Variants in ACKR3 observed in about 807,000 individuals in gnomAD.
ACKR3 encodes the protein atypical chemokine receptor 3.
A neutral mutation model predicts 22.4 loss-of-function variants in ACKR3; 6 were observed. The observed-to-expected ratio is 0.27, with a 90% confidence interval of 0.15 to 0.53. The LOEUF (loss-of-function observed/expected upper bound fraction) is 0.53, where lower values mean the gene tolerates loss of function less well. ACKR3 is among the 20% of genes least tolerant of loss of function. The probability of loss-of-function intolerance (pLI) is 0.96; values close to 1 mark genes in which losing one functional copy is unlikely to be tolerated. For synonymous variants in ACKR3, 209 were observed against 205.2 expected, an observed-to-expected ratio of 1.02 and a Z score of -0.16; for missense variants, 396 against 475.2, an observed-to-expected ratio of 0.83 and a Z score of 1.55.
intron 1 of ACKR3, among the ~76,000 whole-genome samples, chr2:236,572,254 T>C (rs1282409763): frequency 2.0e-5 from 3 of 152,112 alleles, no homozygotes; most frequent in African/African-American, 4.8e-5. Flanking sequence ...AATATTAAAG[T>C]GATCAGGGAA....
intron 1 of ACKR3, among the ~76,000 whole-genome samples, chr2:236,576,244 AACTTCCCAGCGTAAACAGACCCCGCAC>A (rs1691409738): frequency 6.6e-6 from 1 of 152,232 alleles, no homozygotes; most frequent in Admixed American, 6.5e-5. Flanking sequence ...CGGCCTTCCC[AACTTCCCAGCGTAAACAGACCCCGCAC>A]AGGCTGAGAG....
chr2:236,546,440 ATAAATT>A, the ACKR3 span, among the ~76,000 whole-genome samples: 2 of 152,216 alleles, frequency 1.3e-5, no homozygotes, highest in Admixed American at 6.5e-5. This position sits in a 1 kb window ranked among gnomAD's most constrained non-coding sequence, Gnocchi z 4.9. Flanking sequence ...CTTTTCCACT[ATAAATT>A]TAATAAAATT....
At chr2:236,563,532 C>G (rs567652625), upstream of ACKR3, among the ~76,000 whole-genome samples, 392 of 152,220 alleles carry the variant, frequency 2.6e-3, 2 homozygotes, top group African/African-American at 9.1e-3. Context: ...ATATTTAAGC[C>G]TGCATCAAAA....
chr2:236,566,372 G>A (rs1010887959), upstream of ACKR3, among the ~76,000 whole-genome samples: 2 of 152,206 alleles, frequency 1.3e-5, no homozygotes, highest in East Asian at 3.8e-4. Flanking sequence ...CGTCCTGTTC[G>A]TGCCTTCTCT....
At chr2:236,575,152 G>A (rs1205912919) in intron 1 of ACKR3, among the ~76,000 whole-genome samples, 1 of 151,904 alleles carries the variant, frequency 6.6e-6, no homozygotes, top group Non-Finnish European at 1.5e-5. Flanking sequence ...ATTGTTCTGT[G>A]GACCATTCCT....
the ACKR3 span, among the ~76,000 whole-genome samples, chr2:236,552,064 G>T: frequency 6.6e-6 from 1 of 152,164 alleles, no homozygotes; most frequent in East Asian, 1.9e-4. Flanking sequence ...TACCCCCGTA[G>T]AACTTTCTGC....
chr2:236,572,884 C>G (rs1446915824), intron 1 of ACKR3, among the ~76,000 whole-genome samples: 2 of 152,240 alleles, frequency 1.3e-5, no homozygotes, highest in African/African-American at 2.4e-5. Flanking sequence ...AAGAGGTGGA[C>G]TGTATCTGAA....
In ACKR3 at chr2:236,581,177, G is replaced by T; in HGVS notation, c.712G>T (p.Ala238Ser). 6.2e-7 allele frequency: 1 copy of T among 1,613,810 alleles called. No individual in the cohort carries two copies. Among genetic ancestry groups the T allele is most frequent in the Non-Finnish European group, 8.5e-7 (1 of 1,179,694 alleles). The change falls in exon 2 of 2, where the codon GCC (alanine) becomes TCC (serine). Residue 238 changes from alanine (A) to serine (S), a missense_variant. Ala to Ser is a moderately conservative substitution (Grantham distance 99). Transcript: ENST00000272928. This position sits in a 1 kb window ranked among gnomAD's most constrained non-coding sequence, Gnocchi z 4.4. ...IAVFYFLLAR[A>S]ISASSDQEKH... is the part of the protein sequence containing the mutation. ...TGTCTTCTACTTCCTGCTGGCCAGA[G>T]CCATCTCGGCGTCCAGTGACCAGGA... is the stretch of plus-strand genomic sequence containing the variant.
chr2:236,566,941 GCCTGCCTGCCTT>G (rs1691196897), upstream of ACKR3, among the ~76,000 whole-genome samples: 1 of 135,526 alleles, frequency 7.4e-6, no homozygotes, highest in African/African-American at 3.2e-5. Flanking sequence ...TTGCCTGCCT[GCCTGCCTGCCTT>G]CCTTCCTTCC....
At chr2:236,567,283 G>C (rs565635406), upstream of ACKR3, among the ~76,000 whole-genome samples, 24 of 152,308 alleles carry the variant, frequency 1.6e-4, no homozygotes, top group East Asian at 4.3e-3. Flanking sequence ...ACAGGCCTGA[G>C]CCACCGCGCC....
the ACKR3 span, among the ~76,000 whole-genome samples, chr2:236,545,881 C>A: frequency 6.6e-6 from 1 of 152,052 alleles, no homozygotes; most frequent in Non-Finnish European, 1.5e-5. This position sits in a 1 kb window ranked among gnomAD's most constrained non-coding sequence, Gnocchi z 5.3. Context: ...TTTCACACAC[C>A]GAAAACATAC....
At chr2:236,552,693 G>A in the ACKR3 span, among the ~76,000 whole-genome samples, 36,990 of 152,116 alleles carry the variant, frequency 0.24, 6,667 homozygotes, top group African/African-American at 0.51. Flanking sequence ...ATTTACAGAG[G>A]CATGCTCTGC....
upstream of ACKR3, among the ~76,000 whole-genome samples, chr2:236,564,875 C>A (rs1691147631): frequency 1.3e-5 from 2 of 152,222 alleles, no homozygotes; most frequent in African/African-American, 4.8e-5. Flanking sequence ...GCCTCAGTTT[C>A]CTCAATTACA....
At chr2:236,543,620 G>T in the ACKR3 span, among the ~76,000 whole-genome samples, 2 of 152,110 alleles carry the variant, frequency 1.3e-5, no homozygotes, top group Admixed American at 6.5e-5. Flanking sequence ...TCCAGAGTGG[G>T]TGCCCAGTCT....
chr2:236,544,708 G>C, the ACKR3 span, among the ~76,000 whole-genome samples: 1 of 152,292 alleles, frequency 6.6e-6, no homozygotes, highest in South Asian at 2.1e-4. This position sits in a 1 kb window ranked among gnomAD's most constrained non-coding sequence, Gnocchi z 5.0. Flanking sequence ...TCTTGTAACC[G>C]AGCTGAGGGA....
At chr2:236,558,340 A>G in the ACKR3 span, among the ~76,000 whole-genome samples, 1 of 152,198 alleles carries the variant, frequency 6.6e-6, no homozygotes, top group African/African-American at 2.4e-5. Flanking sequence ...AATGGGTGGT[A>G]ACTTCCGGCT....
chr2:236,568,250 G>A (rs1691230455), upstream of ACKR3, among the ~76,000 whole-genome samples: 1 of 152,236 alleles, frequency 6.6e-6, no homozygotes, highest in Non-Finnish European at 1.5e-5. Flanking sequence ...ACAGGCCCCG[G>A]AGTCACGGCT....
At chr2:236,569,047 T>C (rs1339574159), upstream of ACKR3, among the ~76,000 whole-genome samples, 3 of 152,200 alleles carry the variant, frequency 2.0e-5, no homozygotes, top group Non-Finnish European at 4.4e-5. Context: ...GGGGGAACTT[T>C]AGCAATACGC....
chr2:236,566,080 G>A (rs577953025), upstream of ACKR3, among the ~76,000 whole-genome samples: 42 of 152,298 alleles, frequency 2.8e-4, no homozygotes, highest in African/African-American at 7.7e-4. Context: ...AGACCCTACC[G>A]GCCGCCGCTC....
Sources: gnomAD v4.1 joint callset for allele counts (sites outside exome capture counted in the v4.1 genomes callset) on GRCh38, gnomAD v4.1.1 for gene constraint, Gnocchi (gnomAD v3.1) non-coding constraint, MANE v1.5 for transcripts, NCBI Gene and HGNC (gene_info 2026-07-23, HGNC 2026-07-21) for gene names.